The following RUBCN variants were observed in gnomAD, a reference collection of about 807,000 sequenced individuals.
RUBCN encodes the protein run domain Beclin-1-interacting and cysteine-rich domain-containing protein.
Under a neutral mutation model 113.2 loss-of-function variants are expected in RUBCN, and 74 were observed. The observed-to-expected ratio is 0.65, with a 90% CI of 0.54 to 0.79. The LOEUF is 0.79. Among genes scored for constraint, RUBCN ranks in the 30% least tolerant of loss-of-function variants. The probability of loss-of-function intolerance (pLI) is 0.00; values close to 1 mark genes in which losing one functional copy is unlikely to be tolerated. For missense variants in RUBCN, 1,109 were observed against 1,251.7 expected (o/e 0.89, Z 1.72); for synonymous variants, 480 against 490.0 (o/e 0.98, Z 0.27).
intron 11 of RUBCN, among the ~76,000 whole-genome samples, chr3:197,690,509 C>T (rs967964731): frequency 3.3e-5 from 5 of 152,196 alleles, no homozygotes; most frequent in African/African-American, 1.2e-4. Flanking sequence ...TAGAAAACTG[C>T]TACTTTCTTT....
chr3:197,683,214 G>T lies in RUBCN; in HGVS notation c.1980+93C>A. The T allele has an allele frequency of 6.7e-7, 1 of 1,491,290 alleles. No homozygotes were observed. The highest frequency in any genetic ancestry group is 9.4e-7 in the Non-Finnish European group (1 of 1,068,472). The allele number at this position is 1,491,290 out of a possible 1,614,324, so 92.4% of individuals were successfully genotyped here. On this transcript the variant is annotated intron_variant, in intron 13 of 19. Transcript: ENST00000296343. This position sits in a 1 kb window ranked among gnomAD's most constrained non-coding sequence, Gnocchi z 4.6. ...TCCACGAGTAAGGGGGGAACACCCAGGCTCATTCCAGACTAGGGACATGTG... is the reference window on the plus strand; with the variant it reads ...TCCACGAGTAAGGGGGGAACACCCATGCTCATTCCAGACTAGGGACATGTG...
rs1319995161 is a variant in RUBCN at position 197,691,204 on chromosome 3, AAT to A, written c.1786+2509_1786+2510del. On this transcript the variant is annotated intron_variant, in intron 11 of 19. Coordinates refer to ENST00000296343, the MANE Select transcript of RUBCN (RefSeq NM_014687.4). ...TTAGTATTCCAGCAGGAAATAAACT[AAT>A]ATTCTATACCATATGTTCCTGGAAT... The A allele has an allele frequency of 3.4e-6, 3 of 888,874 alleles. No individual in the cohort carries two copies. The African/African-American group carries it at 5.2e-5, about 15-fold the overall frequency. 55.1% of individuals were successfully genotyped at this position (888,874 alleles called of 1,614,324 possible).
Position 197,700,601 on chromosome 3 carries a change from G to A in RUBCN, c.1261+12C>T, listed in dbSNP as rs373063318. The A allele has an allele frequency of 2.7e-5, 44 of 1,613,968 alleles. No homozygotes were observed. The highest frequency in any genetic ancestry group is 3.7e-5 in the Non-Finnish European group (44 of 1,179,946). On this transcript the variant is annotated intron_variant, in intron 7 of 19. Coordinates refer to ENST00000296343, the MANE Select transcript of RUBCN (RefSeq NM_014687.4). ...GTCATCTTGCTAACTAGCAGCCGGT[G>A]TTCCTCATTACCTGGAGCTCCCCTG...
intron 1 of RUBCN, among the ~76,000 whole-genome samples, chr3:197,730,568 A>ATTTTT (rs1291161661): frequency 1.3e-3 from 181 of 138,628 alleles, no homozygotes; most frequent in African/African-American, 4.7e-3. Context: ...TACACCCTAG[A>ATTTTT]TTTTTTTTTT....
At chr3:197,701,672 G>T in intron 6 of RUBCN, 36 bp downstream of exon 6, 3 of 1,600,676 alleles carry the variant, frequency 1.9e-6, no homozygotes, top group East Asian at 4.5e-5. Flanking sequence ...CAGGGCTGGG[G>T]ATAAATGTAA....
chr3:197,744,774 A>G (rs1161923062), intron 1 of RUBCN, among the ~76,000 whole-genome samples: 2 of 152,248 alleles, frequency 1.3e-5, no homozygotes, highest in Non-Finnish European at 2.9e-5. Context: ...ATGCAAATTA[A>G]TCTACAGCAA....
Position 197,669,309 on chromosome 3 carries a change from G to A in RUBCN, c.*5709C>T, listed in dbSNP as rs1344336766. On this transcript the variant is annotated 3_prime_UTR_variant, in exon 20 of 20. Transcript: ENST00000296343. ...CTTTCTCCATTTCGGGATCCCACCC[G>A]GGATCCCACATGGCATTCAGTCATC... 6.6e-6 allele frequency among the ~76,000 whole-genome samples: 1 copy of A among 152,098 alleles called. No individual in the cohort carries two copies. The highest frequency in any genetic ancestry group is 1.5e-5 in the Non-Finnish European group (1 of 68,036).
rs115185875 is a variant in RUBCN at position 197,717,618 on chromosome 3, G to C, written c.219+359C>G. On this transcript the variant is annotated intron_variant, in intron 2 of 19. Coordinates refer to ENST00000296343, the MANE Select transcript of RUBCN (RefSeq NM_014687.4). ...GGTGTGTGGCCCTGCAGACACCTTG[G>C]TTTCAGCCCCGTGAAACTCATTTTG... is the stretch of plus-strand genomic sequence containing the variant. Among the ~76,000 whole-genome samples, 1,078 of 152,304 alleles carry C rather than the reference G, an allele frequency of 7.1e-3. 7 individuals are homozygous for C. Among genetic ancestry groups the C allele is most frequent in the Non-Finnish European group, 0.012 (797 of 68,024 alleles).
At chr3:197,723,408 A>G (rs934796060) in intron 1 of RUBCN, among the ~76,000 whole-genome samples, 7 of 152,054 alleles carry the variant, frequency 4.6e-5, no homozygotes, top group African/African-American at 1.7e-4. Flanking sequence ...CCAGTCTCAA[A>G]CTCTTGACCT....
chr3:197,716,274 C>T (rs1240754414), intron 2 of RUBCN, among the ~76,000 whole-genome samples: 2 of 152,120 alleles, frequency 1.3e-5, no homozygotes, highest in Non-Finnish European at 2.9e-5. Context: ...ATTACAGGTG[C>T]GCGCCACCAC....
rs929802845 is a variant in RUBCN at position 197,684,173 on chromosome 3, C to A, written c.1831G>T (p.Val611Phe). 2 of 1,612,590 alleles carry A rather than the reference C, an allele frequency of 1.2e-6. No homozygotes were observed. The highest frequency in any genetic ancestry group is 2.7e-5 in the African/African-American group (2 of 74,784). Reference sequence around the variant, plus strand: ...AGTACTCACAAGGACTGGGAGGAAACGAAGGATTTGCTGCTTGAGGCTGTG... The same window carrying A: ...AGTACTCACAAGGACTGGGAGGAAAAGAAGGATTTGCTGCTTGAGGCTGTG... ...RNTASSSKSFVSSQSFSHCFL... is the reference protein window; with the variant it reads ...RNTASSSKSFFSSQSFSHCFL... The change falls in exon 12 of 20, where the codon GTT becomes TTT. Residue 611 changes from valine (V) to phenylalanine (F), a missense_variant. By Grantham distance (50) the Val-to-Phe change is conservative (BLOSUM62 -1). Around this residue, in one of 3 missense-constraint regions of RUBCN, gnomAD observed 736 missense variants for 779.6 expected, o/e 0.94. Transcript: ENST00000296343.
intron 11 of RUBCN, 48 bp from the exon 12 acceptor site, chr3:197,684,265 T>A: frequency 2.8e-6 from 4 of 1,433,016 alleles, no homozygotes; most frequent in African/African-American, 2.8e-5. Flanking sequence ...ACGGGGTGGG[T>A]AAGGGAACCT....
chr3:197,711,988 T>C lies in RUBCN; in HGVS notation c.219+5989A>G, dbSNP rs547495685. ...TTACTTTCTTCTAAAGTCTTTTAGGTATTTTCTGAATTTTCAACAAAGAAA... is the reference window on the plus strand; with the variant it reads ...TTACTTTCTTCTAAAGTCTTTTAGGCATTTTCTGAATTTTCAACAAAGAAA... On this transcript the variant is annotated intron_variant, in intron 2 of 19. Coordinates refer to ENST00000296343, the MANE Select transcript of RUBCN (RefSeq NM_014687.4). 9.7e-4 allele frequency among the ~76,000 whole-genome samples: 148 copies of C among 152,336 alleles called. 1 individual carries two copies. Among genetic ancestry groups the C allele is most frequent in the African/African-American group, 3.4e-3 (142 of 41,592 alleles).
rs150769724 is a variant in RUBCN, at chr3:197,701,050, G to A, written c.824C>T (p.Ala275Val). The A allele has an allele frequency of 8.7e-4, 1,403 of 1,613,626 alleles. 12 individuals carry two copies. In the African/African-American group the frequency reaches 0.016, roughly 19 times the overall value. The change falls in exon 7 of 20, where the codon GCC (alanine) becomes GTC (valine). Residue 275 changes from alanine (A) to valine (V), a missense_variant. This residue lies in a region of RUBCN where 736 missense variants were observed against 779.6 expected (regional missense o/e 0.94). Transcript: ENST00000296343. Reference sequence around the variant, plus strand: ...TAGTGCAGAGACTGAAACTGGGGGGGCTTGGATGGTTTGATCCTCTGCTGG... The same window carrying A: ...TAGTGCAGAGACTGAAACTGGGGGGACTTGGATGGTTTGATCCTCTGCTGG... ...VSPAEDQTIQ[A>V]PPVSVSALAR...
chr3:197,707,102 G>C (rs1724391514), intron 2 of RUBCN, among the ~76,000 whole-genome samples: 1 of 143,534 alleles, frequency 7.0e-6, no homozygotes, highest in African/African-American at 3.0e-5. Context: ...CCAGCACTTT[G>C]GGAGGCCGAG....
chr3:197,703,764 C>T, intron 4 of RUBCN, 110 bp from the exon 5 acceptor site: 2 of 732,024 alleles, frequency 2.7e-6, no homozygotes, highest in South Asian at 1.5e-5. Flanking sequence ...AGGGTGAAGG[C>T]AGATCAGAAA....
At chr3:197,704,020 G>A (rs532430802) in intron 4 of RUBCN, among the ~76,000 whole-genome samples, 1 of 152,296 alleles carries the variant, frequency 6.6e-6, no homozygotes, top group African/African-American at 2.4e-5. Flanking sequence ...CTATTCTTAC[G>A]GTTTGTGTGT....
intron 9 of RUBCN, 25 bp downstream of exon 9, chr3:197,695,841 C>A (rs939128290): frequency 2.5e-6 from 4 of 1,601,498 alleles, no homozygotes; most frequent in Non-Finnish European, 3.4e-6. Context: ...CTCATGAGCT[C>A]TTCATGAGGC....
rs114940322 is a variant in RUBCN at position 197,674,634 on chromosome 3, C to T, written c.*384G>A. The T allele has an allele frequency of 1.0e-3, 436 of 434,076 alleles. 1 individual carries two copies. The highest frequency in any genetic ancestry group is 8.4e-3 in the African/African-American group (395 of 46,990). The allele number at this position is 434,076 out of a possible 1,614,324, so 26.9% of individuals were successfully genotyped here. On this transcript the variant is annotated 3_prime_UTR_variant, in exon 20 of 20. Coordinates refer to ENST00000296343, the MANE Select transcript of RUBCN (RefSeq NM_014687.4). Reference sequence around the variant, plus strand: ...AAGGCCTGGCTCAGAAGCTCCAGAACTGAAACAAAGGAAAATTGGAAATGA... The same window carrying T: ...AAGGCCTGGCTCAGAAGCTCCAGAATTGAAACAAAGGAAAATTGGAAATGA...
Sources: gnomAD v4.1 joint callset for allele counts (sites outside exome capture counted in the v4.1 genomes callset) on GRCh38, gnomAD v4.1.1 for gene constraint, gnomAD v4.1.1 regional missense constraint, Gnocchi (gnomAD v3.1) non-coding constraint, MANE v1.5 for transcripts, NCBI Gene and HGNC (gene_info 2026-07-23, HGNC 2026-07-21) for gene names.